NDUFS2: variants seen among roughly 807,000 people sequenced by gnomAD.
NDUFS2 encodes the protein NADH dehydrogenase [ubiquinone] iron-sulfur protein 2, mitochondrial.
Under a neutral mutation model 69.6 loss-of-function variants are expected in NDUFS2, and 38 were observed. The observed-to-expected ratio is 0.55, with a 90% confidence interval of 0.42 to 0.72. The LOEUF (loss-of-function observed/expected upper bound fraction) is 0.72. NDUFS2 is among the 30% of genes least tolerant of loss of function. The pLI is 0.00. For missense variants in NDUFS2, 468 were observed against 595.0 expected (o/e 0.79, Z 2.22); for synonymous variants, 194 against 211.2 (o/e 0.92, Z 0.70).
intron 6 of NDUFS2, 23 bp downstream of exon 6, chr1:161,209,954 C>G (rs1429351550): frequency 6.2e-6 from 10 of 1,613,276 alleles, no homozygotes; most frequent in Non-Finnish European, 7.6e-6. Flanking sequence ...CCGGCTTCCC[C>G]AAATGTCCAG....
At chr1:161,198,117 T>C (rs1303151696), upstream of NDUFS2, 1 of 1,613,914 alleles carries the variant, frequency 6.2e-7, no homozygotes, top group African/African-American at 1.3e-5. This position sits in a 1 kb window ranked among gnomAD's most constrained non-coding sequence, Gnocchi z 4.7. Flanking sequence ...CCAGCAGAGT[T>C]AGGGGTGCCT....
Position 161,206,491 on chromosome 1 carries a change from G to C in NDUFS2, c.287G>C (p.Arg96Pro), listed in dbSNP as rs374834794. 1 of 1,614,248 alleles carries C rather than the reference G, an allele frequency of 6.2e-7. No homozygotes were observed. Among genetic ancestry groups the C allele is most frequent in the Non-Finnish European group, 8.5e-7 (1 of 1,180,050 alleles). ...PQHPAAHGVLRLVMELSGEMV... is the reference protein window; with the variant it reads ...PQHPAAHGVLPLVMELSGEMV... ...CACCCAGCAGCGCATGGTGTCCTGC[G>C]ACTAGTGATGGAATTGAGTGGGGAG... The change falls in exon 3 of 14, where the codon CGA becomes CCA. Residue 96 changes from arginine to proline, a missense_variant. Coordinates refer to ENST00000676972, the MANE Select transcript of NDUFS2 (RefSeq NM_001377299.1).
intron 2 of NDUFS2, 48 bp downstream of exon 2, chr1:161,203,591 A>G: frequency 6.8e-7 from 1 of 1,460,454 alleles, no homozygotes. Flanking sequence ...CCCTGCCCCC[A>G]GCTGATTTCC....
chr1:161,206,102 A>G lies in NDUFS2; in HGVS notation c.203-305A>G, dbSNP rs74124662. On this transcript the variant is annotated intron_variant, in intron 2 of 13. Coordinates refer to ENST00000676972, the MANE Select transcript of NDUFS2 (RefSeq NM_001377299.1). ...TGCCTAAGGTAGTGCCTGGCACATA[A>G]TAAAGCTATATAAGTGTTATGTATT... Among the ~76,000 whole-genome samples the G allele has an allele frequency of 3.6e-3, 546 of 152,326 alleles. 3 individuals carry two copies. The highest frequency in any genetic ancestry group is 0.014 in the Middle Eastern group (4 of 294).
intron 3 of NDUFS2, 49 bp from the exon 4 acceptor site, chr1:161,209,144 T>C (rs780256121): frequency 6.2e-7 from 1 of 1,614,076 alleles, no homozygotes; most frequent in South Asian, 1.1e-5. Flanking sequence ...AGCCAGACTG[T>C]GGGCTCCTGA....
chr1:161,210,219 C>G (rs1249760313), intron 7 of NDUFS2, 31 bp downstream of exon 7: 1 of 1,610,484 alleles, frequency 6.2e-7, no homozygotes, highest in East Asian at 2.2e-5. Flanking sequence ...AAAAATCTCT[C>G]CCCCACAAGA....
rs150930041 is a variant in NDUFS2 at position 161,206,522 on chromosome 1, G to A, written c.318G>A (p.Val106=). 43 of 1,614,264 alleles carry A rather than the reference G, an allele frequency of 2.7e-5. No individual in the cohort carries two copies. Among genetic ancestry groups the A allele is most frequent in the Middle Eastern group, 3.3e-4 (2 of 6,054 alleles). ...RLVMELSGEM[V]RKCDPHIGLL... is the part of the protein sequence containing the mutation. Reference sequence around the variant, plus strand: ...TGATGGAATTGAGTGGGGAGATGGTGCGGAAGTGTGATCCTCACATCGGGC... The same window carrying A: ...TGATGGAATTGAGTGGGGAGATGGTACGGAAGTGTGATCCTCACATCGGGC... Residue 106 remains valine (V), a synonymous_variant, in exon 3 of 14, where the codon GTG becomes GTA. Transcript: ENST00000676972.
upstream of NDUFS2, among the ~76,000 whole-genome samples, chr1:161,200,936 C>T (rs535260266): frequency 3.3e-5 from 5 of 152,278 alleles, no homozygotes; most frequent in Non-Finnish European, 7.4e-5. Context: ...AGGAGCCCCC[C>T]ACCCCAGTCC....
intron 10 of NDUFS2, chr1:161,212,686 A>C: frequency 1.9e-6 from 1 of 521,994 alleles, no homozygotes; most frequent in Non-Finnish European, 3.3e-6. Flanking sequence ...CAGCCTCCCA[A>C]GTAGCTGAGA....
chr1:161,198,398 G>A (rs144928037), upstream of NDUFS2: 477 of 1,609,364 alleles, frequency 3.0e-4, 1 homozygote, highest in Non-Finnish European at 3.8e-4. This position sits in a 1 kb window ranked among gnomAD's most constrained non-coding sequence, Gnocchi z 4.7. Flanking sequence ...CCTGGCAGGG[G>A]CGCCCGAGCC....
In NDUFS2 at chr1:161,202,454, A is replaced by G; in HGVS notation, c.69A>G (p.Gly23=). The G allele has an allele frequency of 2.5e-6, 4 of 1,612,066 alleles. No individual in the cohort carries two copies. In the South Asian group the frequency reaches 4.4e-5, roughly 18 times the overall value. Residue 23 remains glycine, a synonymous_variant, in exon 1 of 14, where the codon GGA becomes GGG. Coordinates refer to ENST00000676972, the MANE Select transcript of NDUFS2 (RefSeq NM_001377299.1). ...VAAQVLRPGA[G]VRLPIQPSRG... The stretch of plus-strand genomic sequence containing the variant: ...CCCAGGTGCTGCGGCCTGGGGCTGG[A>G]GTCCGATTGCCGATTCAGCCCAGCA...
chr1:161,198,697 G>T, upstream of NDUFS2: 3 of 1,375,036 alleles, frequency 2.2e-6, no homozygotes, highest in Non-Finnish European at 1.9e-6. This position sits in a 1 kb window ranked among gnomAD's most constrained non-coding sequence, Gnocchi z 4.7. Flanking sequence ...CCTAGCTTTG[G>T]AAAGCTCCTC....
chr1:161,210,541 CTT>C (rs762419815), intron 8 of NDUFS2, 48 bp from the exon 9 acceptor site: 10 of 1,613,538 alleles, frequency 6.2e-6, no homozygotes, highest in African/African-American at 4.0e-5. Context: ...AAGGAGCCTC[CTT>C]ACTTAGTTTG....
chr1:161,209,562 C>G lies in NDUFS2; in HGVS notation c.594C>G (p.Thr198=), dbSNP rs774858255. The change falls in exon 5 of 14, where the codon ACC becomes ACG. Residue 198 remains threonine, a synonymous_variant. Transcript: ENST00000676972. The stretch of plus-strand genomic sequence containing the variant: ...ATGCCCTGGACCTTGGGGCCATGAC[C>G]CCTTTCTTCTGGCTGTTTGAAGAAA... ...TTHALDLGAM[T]PFFWLFEERE... 7.4e-6 allele frequency: 12 copies of G among 1,612,954 alleles called. No homozygotes were observed. The highest frequency in any genetic ancestry group is 6.8e-6 in the Non-Finnish European group (8 of 1,179,992).
At chr1:161,205,283 G>A (rs768403130) in intron 2 of NDUFS2, among the ~76,000 whole-genome samples, 14 of 152,102 alleles carry the variant, frequency 9.2e-5, no homozygotes, top group Non-Finnish European at 2.1e-4. Context: ...TTAATGATAT[G>A]TACAGATAAT....
rs769843120 is a variant in NDUFS2, at chr1:161,209,174, C to T, written c.394-19C>T. ...TCCTGAGCCTGTTAGATGTGACCCA[C>T]ATTCCTCCCTCTTCCCAGGCCCTTC... On this transcript the variant is annotated intron_variant, in intron 3 of 13. Transcript: ENST00000676972. 1.2e-5 allele frequency: 20 copies of T among 1,614,096 alleles called. No individual in the cohort carries two copies. In the South Asian group the frequency reaches 2.2e-4, roughly 18 times the overall value.
intron 10 of NDUFS2, 134 bp from the exon 11 acceptor site, chr1:161,213,246 T>G: frequency 1.4e-6 from 1 of 696,084 alleles, no homozygotes; most frequent in Non-Finnish European, 2.6e-6. Context: ...TGTTTTATTC[T>G]GTATCCTCTC....
chr1:161,209,963 A>G (rs1474169582), intron 6 of NDUFS2, 32 bp downstream of exon 6: 1 of 1,613,334 alleles, frequency 6.2e-7, no homozygotes, highest in South Asian at 1.1e-5. Flanking sequence ...CCAAATGTCC[A>G]GCCCAGGCCT....
In NDUFS2 at chr1:161,209,073, G is replaced by T; in HGVS notation, c.394-120G>T. On this transcript the variant is annotated intron_variant, in intron 3 of 13. Transcript: ENST00000676972. Reference sequence around the variant, plus strand: ...TTTTACCTGCCTTGTTGGGGCTCCTGAGACTAGAAAGGCTTATACAGCACC... The same window carrying T: ...TTTTACCTGCCTTGTTGGGGCTCCTTAGACTAGAAAGGCTTATACAGCACC... 7 of 1,359,958 alleles carry T rather than the reference G, an allele frequency of 5.1e-6. No homozygotes were observed. In the South Asian group the frequency reaches 7.1e-5, roughly 14 times the overall value. The allele number at this position is 1,359,958 out of a possible 1,614,324, so 84.2% of individuals were successfully genotyped here.
Sources: gnomAD v4.1 joint callset for allele counts (sites outside exome capture counted in the v4.1 genomes callset) on GRCh38, gnomAD v4.1.1 for gene constraint, Gnocchi (gnomAD v3.1) non-coding constraint, MANE v1.5 for transcripts, NCBI Gene and HGNC (gene_info 2026-07-23, HGNC 2026-07-21) for gene names.